IST1: variants seen among roughly 807,000 people sequenced by gnomAD.
IST1 encodes the protein IST1 homolog.
IST1 carries 23 observed loss-of-function variants against 37.0 expected under a neutral mutation model. The observed-to-expected ratio is 0.62, with a 90% confidence interval of 0.45 to 0.88. The LOEUF is 0.88. IST1 is among the 40% of genes least tolerant of loss of function. IST1 has a pLI of 0.00. For synonymous variants in IST1, 180 were observed against 161.7 expected, an observed-to-expected ratio of 1.11 and a Z score of -0.86; for missense variants, 488 against 445.4, an observed-to-expected ratio of 1.10 and a Z score of -0.86.
chr16:71,899,178 GT>G (rs952838102), intron 1 of IST1, among the ~76,000 whole-genome samples: 35 of 151,788 alleles, frequency 2.3e-4, no homozygotes, highest in Admixed American at 9.8e-4. Context: ...TGATCTTACA[GT>G]TTTTTTTTTA....
At chr16:71,898,237 TGTG>T (rs2037020137) in intron 1 of IST1, among the ~76,000 whole-genome samples, 1 of 150,424 alleles carries the variant, frequency 6.6e-6, no homozygotes, top group Non-Finnish European at 1.5e-5. Flanking sequence ...ATTAGCCAGG[TGTG>T]GTGGTGGGCA....
chr16:71,904,820 C>A (rs1375690598), intron 1 of IST1, among the ~76,000 whole-genome samples: 1 of 152,126 alleles, frequency 6.6e-6, no homozygotes, highest in Non-Finnish European at 1.5e-5. Flanking sequence ...TATAGTGGAT[C>A]ATTTTTTGGT....
intron 8 of IST1, chr16:71,924,288 A>AT (rs978184972): frequency 4.0e-4 from 164 of 413,064 alleles, no homozygotes; most frequent in Non-Finnish European, 5.2e-4. Context: ...TATGGTAAGG[A>AT]TTTTTTTTTC....
intron 1 of IST1, among the ~76,000 whole-genome samples, chr16:71,912,454 G>T (rs544868735): frequency 6.6e-6 from 1 of 152,018 alleles, no homozygotes; most frequent in Admixed American, 6.5e-5. Flanking sequence ...AGCCAGGATG[G>T]TCTCGATCTC....
intron 1 of IST1, among the ~76,000 whole-genome samples, chr16:71,906,504 G>GGGGTTTCACCATGTTGGCCAGGC (rs2037228188): frequency 6.6e-6 from 1 of 151,318 alleles, no homozygotes; most frequent in Non-Finnish European, 1.5e-5. Flanking sequence ...TCGTAGAGAC[G>GGGGTTTCACCATGTTGGCCAGGC]GGGTTTCACC....
intron 1 of IST1, among the ~76,000 whole-genome samples, chr16:71,902,497 T>G (rs1369538760): frequency 6.6e-6 from 1 of 152,226 alleles, no homozygotes; most frequent in Non-Finnish European, 1.5e-5. Flanking sequence ...TTCGAACTCT[T>G]GACCACAAGT....
chr16:71,906,852 A>C (rs1280098400), intron 1 of IST1, among the ~76,000 whole-genome samples: 1 of 152,060 alleles, frequency 6.6e-6, no homozygotes, highest in Non-Finnish European at 1.5e-5. Context: ...CGTTTTTCCC[A>C]GACTGCTTTC....
At chr16:71,912,635 A>G (rs375946964) in intron 1 of IST1, among the ~76,000 whole-genome samples, 223 of 152,308 alleles carry the variant, frequency 1.5e-3, no homozygotes, top group African/African-American at 5.0e-3. Context: ...CAACATGACA[A>G]TTTACCAACT....
intron 4 of IST1, among the ~76,000 whole-genome samples, chr16:71,919,299 C>G (rs1484702469): frequency 6.6e-6 from 1 of 152,170 alleles, no homozygotes; most frequent in African/African-American, 2.4e-5. Flanking sequence ...TGAGAACTGA[C>G]CATGTTTGTT....
chr16:71,921,630 A>G lies in IST1; in HGVS notation c.552+177A>G. The G allele has an allele frequency of 5.5e-6, 3 of 544,928 alleles. No homozygotes were observed. The South Asian group carries it at 7.3e-5, about 13-fold the overall frequency. The allele number at this position is 544,928 out of a possible 1,614,324, so 33.8% of individuals were successfully genotyped here. ...TCTCACAGGGTACTTAAGGAATTAG[A>G]TGAATGACAACACTTTGAGAAGGTC... On this transcript the variant is annotated intron_variant, in intron 6 of 9. Coordinates refer to ENST00000378799, the MANE Select transcript of IST1 (RefSeq NM_001270975.2).
At chr16:71,914,243 C>A (rs918229229) in intron 1 of IST1, among the ~76,000 whole-genome samples, 1 of 151,334 alleles carries the variant, frequency 6.6e-6, no homozygotes. Flanking sequence ...ACTGCAACCT[C>A]CACCTCCCGG....
intron 8 of IST1, 26 bp from the exon 9 acceptor site, chr16:71,924,743 C>T (rs1246900243): frequency 2.5e-6 from 4 of 1,579,372 alleles, no homozygotes. Flanking sequence ...TTGCTGTCTC[C>T]TCTGGTAACA....
At chr16:71,920,636 T>A (rs2037558080) in intron 4 of IST1, 103 bp from the exon 5 acceptor site, 1 of 760,830 alleles carries the variant, frequency 1.3e-6, no homozygotes, top group East Asian at 2.6e-5. Context: ...TCCAGTGTTT[T>A]GGAAATCTTG....
intron 1 of IST1, among the ~76,000 whole-genome samples, chr16:71,910,619 GAAA>G (rs912558965): frequency 1.4e-5 from 2 of 144,006 alleles, no homozygotes; most frequent in African/African-American, 5.0e-5. Flanking sequence ...AAAAAAAAAA[GAAA>G]AAAAAGAAAA....
At chr16:71,895,875 A>G (rs1251150721) in intron 1 of IST1, among the ~76,000 whole-genome samples, 1 of 152,148 alleles carries the variant, frequency 6.6e-6, no homozygotes, top group East Asian at 1.9e-4. Context: ...ACTTTCCCCT[A>G]GTCTTCCTGC....
upstream of IST1, chr16:71,894,801 C>G (rs1306305300): frequency 2.0e-6 from 3 of 1,524,934 alleles, no homozygotes; most frequent in Admixed American, 5.9e-5. Flanking sequence ...TCTCAAAGTG[C>G]TGGGAAGGTC....
chr16:71,911,523 G>C (rs1176044634), intron 1 of IST1, among the ~76,000 whole-genome samples: 4 of 151,944 alleles, frequency 2.6e-5, no homozygotes, highest in African/African-American at 4.8e-5. Context: ...ACAAAGTGAA[G>C]ATTGTCTCAA....
intron 9 of IST1, among the ~76,000 whole-genome samples, chr16:71,925,059 C>T (rs146306116): frequency 6.8e-4 from 100 of 146,908 alleles, no homozygotes; most frequent in African/African-American, 2.4e-3. Flanking sequence ...GTTGTCCAGG[C>T]TGGAGTGCAG....
intron 5 of IST1, 98 bp from the exon 6 acceptor site, chr16:71,921,245 A>T (rs1365840835): frequency 1.7e-5 from 13 of 748,050 alleles, no homozygotes; most frequent in Admixed American, 1.6e-4. Context: ...TTCCCTCAAT[A>T]TTACCTGTAA....
Sources: allele counts gnomAD v4.1 joint callset (sites outside exome capture counted in the v4.1 genomes callset), GRCh38; gene constraint gnomAD v4.1.1; transcripts MANE v1.5; gene names NCBI Gene and HGNC (gene_info 2026-07-23, HGNC 2026-07-21).